Variants in RBFOX1 observed in about 807,000 individuals in gnomAD.
The protein encoded by RBFOX1 is RNA binding protein fox-1 homolog 1.
Under a neutral mutation model 57.7 loss-of-function variants are expected in RBFOX1, and 8 were observed. The observed-to-expected ratio is 0.14, with a 90% confidence interval of 0.08 to 0.25. RBFOX1 has a LOEUF of 0.25. Ranked by LOEUF, RBFOX1 falls within the 10% of genes least tolerant of loss-of-function variation. The probability of loss-of-function intolerance (pLI) is 1.00; values close to 1 mark genes in which losing one functional copy is unlikely to be tolerated. For missense variants in RBFOX1, 611 were observed against 548.5 expected (o/e 1.11, Z -1.14); for synonymous variants, 326 against 222.4 (o/e 1.47, Z -4.15).
At chr16:5,957,020 A>T (rs112998797) in intron 4 of RBFOX1, among the ~76,000 whole-genome samples, 2 of 151,944 alleles carry the variant, frequency 1.3e-5, no homozygotes, top group Admixed American at 1.3e-4. Flanking sequence ...GGTAGCTTGA[A>T]ATCAACAGAG....
At chr16:7,092,476 A>G (rs185540528) in intron 4 of RBFOX1, among the ~76,000 whole-genome samples, 1,592 of 152,340 alleles carry the variant, frequency 0.01, 16 homozygotes, top group Non-Finnish European at 0.016. Flanking sequence ...TTTTTCCACA[A>G]CAGCCTCTTT....
At chr16:6,918,558 C>T (rs2073771394) in intron 3 of RBFOX1, among the ~76,000 whole-genome samples, 2 of 152,086 alleles carry the variant, frequency 1.3e-5, no homozygotes, top group African/African-American at 4.8e-5. Flanking sequence ...TATCCAGAGG[C>T]ATCATTTAAA....
At chr16:6,133,042 T>G (rs1457381688) in intron 1 of RBFOX1, among the ~76,000 whole-genome samples, 2 of 151,916 alleles carry the variant, frequency 1.3e-5, no homozygotes, top group Non-Finnish European at 2.9e-5. Flanking sequence ...TGTGTAATTT[T>G]TTTTTTTTTC....
chr16:7,229,046 C>G (rs1326821068), intron 4 of RBFOX1, among the ~76,000 whole-genome samples: 2 of 151,556 alleles, frequency 1.3e-5, no homozygotes, highest in African/African-American at 2.4e-5. Context: ...TGTATCTAAA[C>G]TGTTTTTAAA....
At chr16:6,092,889 T>A (rs1382786403) in intron 1 of RBFOX1, 1 of 152,188 alleles carries the variant, frequency 6.6e-6, no homozygotes, top group Non-Finnish European at 1.5e-5. Flanking sequence ...TTTGGTTCTA[T>A]ATGAATTTAA....
At chr16:6,677,310 T>C (rs137894832) in intron 3 of RBFOX1, among the ~76,000 whole-genome samples, 1 of 152,284 alleles carries the variant, frequency 6.6e-6, no homozygotes, top group Non-Finnish European at 1.5e-5. Context: ...TGTCATTCCT[T>C]AAGGCCCTTT....
chr16:7,487,397 C>A (rs1408302734), intron 4 of RBFOX1, among the ~76,000 whole-genome samples: 1 of 152,156 alleles, frequency 6.6e-6, no homozygotes, highest in Non-Finnish European at 1.5e-5. Flanking sequence ...TGTCCTGTCT[C>A]CTGTACTGAA....
At chr16:6,958,028 C>G (rs12917775) in intron 3 of RBFOX1, among the ~76,000 whole-genome samples, 185 of 152,084 alleles carry the variant, frequency 1.2e-3, no homozygotes, top group Non-Finnish European at 2.4e-3. Flanking sequence ...GTGAGAATAC[C>G]AGGAGGCATG....
intron 2 of RBFOX1, among the ~76,000 whole-genome samples, chr16:6,647,183 G>C (rs753768095): frequency 2.0e-5 from 3 of 152,156 alleles, no homozygotes; most frequent in Non-Finnish European, 2.9e-5. Flanking sequence ...CAGAGAGAGA[G>C]AGAGAGAGAA....
rs1219705990 is a variant in RBFOX1 at position 5,791,803 on chromosome 16, C to T, written c.319-75500C>T. Among the ~76,000 whole-genome samples, 5 of 152,252 alleles carry T rather than the reference C, an allele frequency of 3.3e-5. No individual in the cohort carries two copies. The East Asian group carries it at 9.6e-4, about 29-fold the overall frequency. The stretch of plus-strand genomic sequence containing the variant: ...CATATGACATGTTTGATCTGAATAT[C>T]CTTTGCTTGGTTTCCACTTAAGGCC... On this transcript the variant is annotated intron_variant, in intron 3 of 19. Transcript: ENST00000641259.
intron 3 of RBFOX1, among the ~76,000 whole-genome samples, chr16:7,012,545 A>G (rs916323921): frequency 6.6e-6 from 1 of 152,158 alleles, no homozygotes; most frequent in South Asian, 2.1e-4. Context: ...GGAACACCTT[A>G]TTTCTGGTTT....
chr16:6,091,459 G>A (rs922601614), intron 1 of RBFOX1, among the ~76,000 whole-genome samples: 1 of 152,050 alleles, frequency 6.6e-6, no homozygotes, highest in Non-Finnish European at 1.5e-5. Flanking sequence ...TTTTTATAGG[G>A]TGAGCGGTCT....
At chr16:6,992,341 C>A (rs146469883) in intron 3 of RBFOX1, among the ~76,000 whole-genome samples, 1,651 of 152,148 alleles carry the variant, frequency 0.011, 38 homozygotes, top group African/African-American at 0.037. Context: ...CCTCAGCTTT[C>A]CCAGTAGCTG....
At chr16:7,171,557 C>T (rs769973418) in intron 4 of RBFOX1, among the ~76,000 whole-genome samples, 2 of 152,172 alleles carry the variant, frequency 1.3e-5, no homozygotes, top group African/African-American at 4.8e-5. Flanking sequence ...GGCCAAGAGG[C>T]CGCCTCAGTG....
intron 3 of RBFOX1, among the ~76,000 whole-genome samples, chr16:5,679,334 C>CTCTT (rs1555499943): frequency 2.8e-5 from 4 of 142,102 alleles, no homozygotes; most frequent in African/African-American, 1.1e-4. Flanking sequence ...AATTCTCTCT[C>CTCTT]TTTTTTTTTT....
At chr16:7,210,495 T>G (rs141515074) in intron 4 of RBFOX1, among the ~76,000 whole-genome samples, 1 of 152,200 alleles carries the variant, frequency 6.6e-6, no homozygotes, top group Non-Finnish European at 1.5e-5. Context: ...TTAGGTGTTA[T>G]TCATATCTAT....
intron 4 of RBFOX1, among the ~76,000 whole-genome samples, chr16:7,219,207 G>C (rs1467767565): frequency 6.6e-6 from 1 of 152,186 alleles, no homozygotes; most frequent in Non-Finnish European, 1.5e-5. Context: ...AATTAATGAA[G>C]AGGCAGGCAG....
intron 4 of RBFOX1, among the ~76,000 whole-genome samples, chr16:7,115,545 T>C (rs1191809847): frequency 6.6e-6 from 1 of 152,192 alleles, no homozygotes; most frequent in African/African-American, 2.4e-5. Context: ...GAGGGGGACC[T>C]TCACTGAGCT....
At chr16:5,443,615 C>T (rs891056999) in intron 1 of RBFOX1, among the ~76,000 whole-genome samples, 3 of 152,222 alleles carry the variant, frequency 2.0e-5, no homozygotes, top group Admixed American at 1.3e-4. Flanking sequence ...AGTGGGATTA[C>T]AGGCTTGAGC....
Sources: allele counts gnomAD v4.1 joint callset (sites outside exome capture counted in the v4.1 genomes callset), GRCh38; gene constraint gnomAD v4.1.1; transcripts MANE v1.5; gene names NCBI Gene and HGNC (gene_info 2026-07-23, HGNC 2026-07-21).